Variants in CUX1 observed in about 807,000 individuals in gnomAD.
CUX1 encodes protein CASP.
A neutral mutation model predicts 158.8 loss-of-function variants in CUX1; 31 were observed. The ratio of observed to expected loss-of-function variants is 0.20; its 90% CI spans 0.15 to 0.26. The LOEUF (loss-of-function observed/expected upper bound fraction) is 0.26, where lower values mean the gene tolerates loss of function less well. Among genes scored for constraint, CUX1 ranks in the 10% least tolerant of loss-of-function variants. The probability of loss-of-function intolerance (pLI) is 1.00; values close to 1 mark genes in which losing one functional copy is unlikely to be tolerated. For synonymous variants in CUX1, 879 were observed against 862.1 expected (o/e 1.02, Z -0.34); for missense variants, 1,589 against 2,014.6 (o/e 0.79, Z 4.04).
chr7:102,204,507 C>T lies in CUX1; in HGVS notation c.3024C>T (p.Gly1008=). Residue 1008 remains glycine (G), a synonymous_variant, in exon 19 of 24, where the codon GGC becomes GGT. Coordinates refer to ENST00000292535, the MANE Select transcript of CUX1 (RefSeq NM_181552.4). ...TCCGGATGCAGCTCTGGCTGAACGG[C>T]GAGCTAGGCCAGGGTGTTCTACCCG... ...PFIRMQLWLN[G]ELGQGVLPVQ... 2.5e-6 allele frequency: 4 copies of T among 1,613,706 alleles called. No homozygotes were observed. The highest frequency in any genetic ancestry group is 3.4e-6 in the Non-Finnish European group (4 of 1,180,024).
At position 102,018,360 on chromosome 7, in the gene CUX1, T is replaced by G. The variant is rs574766994; in HGVS notation, c.142-9738T>G. On this transcript the variant is annotated intron_variant, in intron 2 of 23. Transcript: ENST00000292535. ...AGACTTATTTAAGAGAATTAACCAA[T>G]GGAGCCTGAATTTGGCTTCTCCCAT... Among the ~76,000 whole-genome samples, 10 of 152,378 alleles carry G rather than the reference T, an allele frequency of 6.6e-5. No homozygotes were observed. The East Asian group carries it at 1.9e-3, about 29-fold the overall frequency.
chr7:101,904,959 C>T (rs543441769), intron 1 of CUX1, among the ~76,000 whole-genome samples: 18 of 152,312 alleles, frequency 1.2e-4, no homozygotes, highest in African/African-American at 3.8e-4. Flanking sequence ...CTGACATCCA[C>T]GCTCATTGCA....
chr7:102,205,459 C>G (rs1170648120), intron 20 of CUX1, among the ~76,000 whole-genome samples: 1 of 152,146 alleles, frequency 6.6e-6, no homozygotes, highest in African/African-American at 2.4e-5. Context: ...AGACAGATTC[C>G]CCACTCAGGG....
At chr7:102,023,235 T>G (rs1239032191) in intron 2 of CUX1, among the ~76,000 whole-genome samples, 1 of 152,114 alleles carries the variant, frequency 6.6e-6, no homozygotes, top group Non-Finnish European at 1.5e-5. Context: ...AAAAAGTTTT[T>G]AAACGTGTTC....
At chr7:102,111,836 A>G in intron 7 of CUX1, 62 bp downstream of exon 7, 1 of 1,473,434 alleles carries the variant, frequency 6.8e-7, no homozygotes, top group Non-Finnish European at 9.5e-7. Flanking sequence ...GAGTTGGGTC[A>G]GCCCCTGACC....
chr7:102,030,689 G>GTGTTTTTTTTTTTTTTGTTTTTTTTTTTT (rs1554459461), intron 3 of CUX1, among the ~76,000 whole-genome samples: 1 of 82,538 alleles, frequency 1.2e-5, no homozygotes, highest in African/African-American at 5.3e-5. Context: ...ATTTTAAAAA[G>GTGTTTTTTTTTTTTTTGTTTTTTTTTTTT]TGTTTTTTTT....
At chr7:101,963,701 G>C (rs1810790862) in intron 2 of CUX1, among the ~76,000 whole-genome samples, 1 of 152,128 alleles carries the variant, frequency 6.6e-6, no homozygotes, top group Non-Finnish European at 1.5e-5. Flanking sequence ...TGTCCAGGTT[G>C]GAGTGCAGTG....
At chr7:102,073,165 C>CTTTTTTTTTTTTT (rs869202667) in intron 4 of CUX1, among the ~76,000 whole-genome samples, 1,044 of 66,844 alleles carry the variant, frequency 0.016, 209 homozygotes, top group East Asian at 0.031. Context: ...TCTTTTCTTT[C>CTTTTTTTTTTTTT]TTTTTTTTTT....
At chr7:101,856,459 G>A (rs1186542360) in intron 1 of CUX1, among the ~76,000 whole-genome samples, 1 of 152,144 alleles carries the variant, frequency 6.6e-6, no homozygotes, top group Admixed American at 6.5e-5. Context: ...AAGAAGTCTG[G>A]TAGATAATGG....
At chr7:101,895,258 C>T (rs1022940001) in intron 1 of CUX1, among the ~76,000 whole-genome samples, 1 of 152,090 alleles carries the variant, frequency 6.6e-6, no homozygotes, top group Non-Finnish European at 1.5e-5. Context: ...TGACCTCAAA[C>T]ACTGGGTATT....
intron 2 of CUX1, among the ~76,000 whole-genome samples, chr7:101,950,861 C>T (rs1808980451): frequency 6.6e-6 from 1 of 152,040 alleles, no homozygotes; most frequent in South Asian, 2.1e-4. Context: ...ACTATCTGAC[C>T]CTTTCCAGTA....
At chr7:102,275,273 C>T in exon 17 of CUX1, 2 of 1,610,982 alleles carry the variant, frequency 1.2e-6, no homozygotes, top group Non-Finnish European at 8.5e-7. Flanking sequence ...CAGCGGTGCC[C>T]TCCCAGAGGG....
At chr7:102,064,637 C>T (rs1248646476) in intron 3 of CUX1, among the ~76,000 whole-genome samples, 1 of 152,208 alleles carries the variant, frequency 6.6e-6, no homozygotes, top group African/African-American at 2.4e-5. Context: ...CTCCCTCCCT[C>T]CCACGGATGC....
chr7:101,933,976 C>T (rs10225148), intron 2 of CUX1, among the ~76,000 whole-genome samples: 12,671 of 152,200 alleles, frequency 0.083, 1,815 homozygotes, highest in African/African-American at 0.29. Context: ...CCATGTATGG[C>T]GTGCTGAGGA....
Position 102,181,258 on chromosome 7 carries a change from C to A in CUX1, c.1017+2601C>A, listed in dbSNP as rs1262187061. ...AACCAGGTCATTTATTTTGTCACCG[C>A]CGTTTCTTCCTCTCTCATCAGCTTA... is the stretch of plus-strand genomic sequence containing the variant. On this transcript the variant is annotated intron_variant, in intron 11 of 23. Transcript: ENST00000292535. Among the ~76,000 whole-genome samples, 5 of 152,090 alleles carry A rather than the reference C, an allele frequency of 3.3e-5. No individual in the cohort carries two copies. The East Asian group carries it at 9.6e-4, about 29-fold the overall frequency.
intron 18 of CUX1, among the ~76,000 whole-genome samples, chr7:102,202,780 G>A (rs1795583902): frequency 1.3e-5 from 2 of 152,172 alleles, no homozygotes; most frequent in Admixed American, 6.5e-5. Flanking sequence ...CACACAGCTT[G>A]GGGATGGCCC....
intron 1 of CUX1, among the ~76,000 whole-genome samples, chr7:101,855,498 G>A (rs942470474): frequency 1.3e-5 from 2 of 152,256 alleles, no homozygotes; most frequent in African/African-American, 2.4e-5. Context: ...TGATGCAATG[G>A]AAGAGTCTTC....
chr7:102,061,853 A>T (rs917934147), intron 3 of CUX1, among the ~76,000 whole-genome samples: 1 of 152,178 alleles, frequency 6.6e-6, no homozygotes, highest in African/African-American at 2.4e-5. Flanking sequence ...CCGGCACTGT[A>T]TGTTACTCTC....
intron 3 of CUX1, among the ~76,000 whole-genome samples, chr7:102,065,184 C>T (rs1048205374): frequency 1.3e-5 from 2 of 152,002 alleles, no homozygotes; most frequent in Non-Finnish European, 2.9e-5. Context: ...TGGGCCCAAG[C>T]GATCCTCCCA....
Sources: allele counts gnomAD v4.1 joint callset (sites outside exome capture counted in the v4.1 genomes callset), GRCh38; gene constraint gnomAD v4.1.1; transcripts MANE v1.5; gene names NCBI Gene and HGNC (gene_info 2026-07-23, HGNC 2026-07-21).